Variants in ADGRG2 observed in about 807,000 individuals in gnomAD.
The protein encoded by ADGRG2 is G protein-coupled receptor 64.
Under a neutral mutation model 74.1 loss-of-function variants are expected in ADGRG2, and 26 were observed. The ratio of observed to expected loss-of-function variants is 0.35; its 90% confidence interval spans 0.26 to 0.49. The LOEUF (loss-of-function observed/expected upper bound fraction) is 0.49. ADGRG2 is among the 20% of genes least tolerant of loss of function. The pLI, the probability that ADGRG2 is intolerant of heterozygous loss-of-function variation, is 0.99. For missense variants in ADGRG2, 619 were observed against 763.1 expected, an observed-to-expected ratio of 0.81 and a Z score of 2.22; for synonymous variants, 296 against 295.2, an observed-to-expected ratio of 1.00 and a Z score of -0.03.
Position 18,999,002 on chromosome X carries a change from A to G in ADGRG2, c.2608T>C (p.Leu870=), listed in dbSNP as rs1198964305. 8.4e-7 allele frequency: 1 copy of G among 1,192,108 alleles called. No homozygotes were observed. Among genetic ancestry groups the G allele is most frequent in the Admixed American group, 2.2e-5 (1 of 44,846 alleles). ...TTGATGCTGTAAAGCTTACCTTGTA[A>G]GGTATTAAAGATGGCAAACAGATAC... The part of the protein sequence containing the change: ...FMYLFAIFNT[L]QGFFIFIFYC... Residue 870 remains leucine (L), a synonymous_variant, in exon 26 of 29, where the codon TTA becomes CTA. Coordinates refer to ENST00000379869, the MANE Select transcript of ADGRG2 (RefSeq NM_001079858.3).
At chrX:19,025,537 T>G (rs759037773) in intron 11 of ADGRG2, among the ~76,000 whole-genome samples, 3 of 111,310 alleles carry the variant, frequency 2.7e-5, no homozygotes, top group Non-Finnish European at 3.8e-5. Context: ...CTATTTCTAG[T>G]CTAGTAATTA....
At chrX:19,061,614 T>A (rs2061490631) in intron 3 of ADGRG2, among the ~76,000 whole-genome samples, 1 of 112,037 alleles carries the variant, frequency 8.9e-6, no homozygotes, top group African/African-American at 3.2e-5. Context: ...GCCTTTGATA[T>A]CTAGGGTGGC....
At chrX:19,060,542 CTTT>C (rs58196298) in intron 3 of ADGRG2, among the ~76,000 whole-genome samples, 6 of 87,082 alleles carry the variant, frequency 6.9e-5, no homozygotes, top group African/African-American at 8.5e-5. Flanking sequence ...GGCAGGTATT[CTTT>C]TTTTTTTTTT....
In ADGRG2 at chrX:19,083,173, T is replaced by G. The variant is rs188842292; in HGVS notation, c.-46-427A>C. Among the ~76,000 whole-genome samples, 137 of 90,597 alleles carry G rather than the reference T, an allele frequency of 1.5e-3. No homozygotes were observed. In the East Asian group the frequency reaches 0.039, roughly 26 times the overall value. 78.7% of individuals were successfully genotyped at this position (90,597 alleles called of 115,157 possible). A position where few individuals can be genotyped will look rare whatever the true frequency, so the allele number is the denominator to read the frequency against. On this transcript the variant is annotated intron_variant, in intron 1 of 28. Coordinates refer to ENST00000379869, the MANE Select transcript of ADGRG2 (RefSeq NM_001079858.3). ...CACACGCTACCACACCCGGCTAATT[T>G]TTTTTTTTTTTTTTTTTTGTATTTT...
intron 3 of ADGRG2, among the ~76,000 whole-genome samples, chrX:19,056,696 G>A (rs1258546120): frequency 8.9e-6 from 1 of 112,034 alleles, no homozygotes; most frequent in Non-Finnish European, 1.9e-5. Context: ...GGTAGCTCCT[G>A]TTCTAATAAT....
At chrX:19,011,329 G>A (rs2060352236) in intron 16 of ADGRG2, among the ~76,000 whole-genome samples, 1 of 111,850 alleles carries the variant, frequency 8.9e-6, no homozygotes, top group African/African-American at 3.3e-5. Flanking sequence ...TTACGTGACT[G>A]TGGGTGTTTC....
In ADGRG2 at chrX:19,037,785, G is replaced by A. The variant is rs536894942; in HGVS notation, c.155-149C>T. ...AGTTAAATCTGCATGTCCCATAAGC[G>A]CTCAGTGAGTATAAAATTTAATCAG... On this transcript the variant is annotated intron_variant, in intron 4 of 28. Transcript: ENST00000379869. 2.2e-4 allele frequency: 91 copies of A among 406,116 alleles called. 1 individual carries two copies. In the South Asian group the frequency reaches 3.7e-3, roughly 16 times the overall value. The allele number at this position is 406,116 out of a possible 1,213,427, so 33.5% of individuals were successfully genotyped here.
chrX:19,094,549 CT>C (rs775070480), intron 1 of ADGRG2, among the ~76,000 whole-genome samples: 1 of 111,750 alleles, frequency 8.9e-6, no homozygotes, highest in South Asian at 3.8e-4. Flanking sequence ...CTTTGCCTAC[CT>C]TGATGGGTTT....
Position 18,994,896 on chromosome X carries a change from C to T in ADGRG2, c.2869G>A (p.Gly957Arg). 5.9e-6 allele frequency: 7 copies of T among 1,184,667 alleles called. No homozygotes were observed. Among genetic ancestry groups the T allele is most frequent in the Non-Finnish European group, 6.8e-6 (6 of 877,757 alleles). The change falls in exon 28 of 29, where the codon GGA becomes AGA. Residue 957 changes from glycine (G) to arginine (R), a missense_variant and splice_region_variant. By Grantham distance (125) the Gly-to-Arg change is moderately radical. This residue lies in a region of ADGRG2 where 106 missense variants were observed against 104.5 expected (regional missense o/e 1.01). Coordinates refer to ENST00000379869, the MANE Select transcript of ADGRG2 (RefSeq NM_001079858.3). ...NDCSVHASGN[G>R]NASTERNGVS... is the part of the protein sequence containing the mutation. The stretch of plus-strand genomic sequence containing the variant: ...AAATACTATATTGAGACATACATAC[C>T]ATTCCCGCTTGCGTGTACTGAGCAA...
chrX:19,115,962 C>A (rs932298759), intron 1 of ADGRG2, among the ~76,000 whole-genome samples: 2 of 110,203 alleles, frequency 1.8e-5, no homozygotes, highest in African/African-American at 6.6e-5. Context: ...GTAGTCTCAG[C>A]ACTTTGGGAG....
chrX:19,032,523 T>C (rs2060847152), intron 8 of ADGRG2: 1 of 111,707 alleles, frequency 9.0e-6, no homozygotes, highest in African/African-American at 3.3e-5. Context: ...CCGTTTCCAG[T>C]GATGCGTGTC....
intron 1 of ADGRG2, among the ~76,000 whole-genome samples, chrX:19,087,798 G>A (rs191075717): frequency 9.9e-5 from 11 of 111,602 alleles, no homozygotes; most frequent in African/African-American, 3.6e-4. Context: ...CCTGCAGCAC[G>A]AGAAGCTTTC....
intron 1 of ADGRG2, among the ~76,000 whole-genome samples, chrX:19,102,681 G>T (rs2062209751): frequency 9.1e-6 from 1 of 110,135 alleles, no homozygotes; most frequent in Admixed American, 9.7e-5. Context: ...TGTCCCTCCT[G>T]CCAAATTCAT....
At chrX:19,108,565 T>A (rs2062357406) in intron 1 of ADGRG2, among the ~76,000 whole-genome samples, 2 of 112,253 alleles carry the variant, frequency 1.8e-5, no homozygotes, top group South Asian at 3.7e-4. Flanking sequence ...ATGGTAATCA[T>A]GCAACGGAAT....
chrX:19,055,270 G>GTGTGTGTGTGTA (rs1491541231), intron 3 of ADGRG2, among the ~76,000 whole-genome samples: 1 of 108,637 alleles, frequency 9.2e-6, no homozygotes, highest in African/African-American at 3.4e-5. Context: ...GTGTGTGTGT[G>GTGTGTGTGTGTA]TATGTGTGTG....
At chrX:19,027,426 T>C (rs916948732) in intron 10 of ADGRG2, 152 bp from the exon 11 acceptor site, 29 of 439,865 alleles carry the variant, frequency 6.6e-5, no homozygotes, top group Non-Finnish European at 1.1e-4. Context: ...TCTATCTAAA[T>C]GATCAAGCTG....
intron 3 of ADGRG2, among the ~76,000 whole-genome samples, chrX:19,055,764 C>G (rs1211173915): frequency 9.7e-6 from 1 of 103,580 alleles, no homozygotes; most frequent in African/African-American, 3.6e-5. Flanking sequence ...GAGTCTCTCT[C>G]ACTCTGTCAC....
intron 3 of ADGRG2, among the ~76,000 whole-genome samples, chrX:19,056,234 T>C (rs1436939761): frequency 9.0e-6 from 1 of 111,711 alleles, no homozygotes; most frequent in South Asian, 3.7e-4. Flanking sequence ...TTGAGCGCTG[T>C]GAAGTAATTA....
Position 19,120,972 on chromosome X carries a change from A to G in ADGRG2, c.-47+1470T>C, listed in dbSNP as rs143161429. Among the ~76,000 whole-genome samples the G allele has an allele frequency of 4.9e-3, 551 of 112,363 alleles. 3 individuals are homozygous for G. The highest frequency in any genetic ancestry group is 0.017 in the African/African-American group (520 of 31,001). On this transcript the variant is annotated intron_variant, in intron 1 of 28. Coordinates refer to ENST00000379869, the MANE Select transcript of ADGRG2 (RefSeq NM_001079858.3). The stretch of plus-strand genomic sequence containing the variant: ...TAATGCAAAGCTGTCCTTGGTGCGG[A>G]AGATTTGCATTTGTAGAGAATCTGC...
Sources: allele counts gnomAD v4.1 joint callset (sites outside exome capture counted in the v4.1 genomes callset), GRCh38; gene constraint gnomAD v4.1.1; regional missense constraint gnomAD v4.1.1; transcripts MANE v1.5; gene names NCBI Gene and HGNC (gene_info 2026-07-23, HGNC 2026-07-21).